Variants in CNTN4 observed in about 807,000 individuals in gnomAD.
CNTN4 encodes the protein contactin-4.
Under a neutral mutation model 122.5 loss-of-function variants are expected in CNTN4, and 77 were observed. The ratio of observed to expected loss-of-function variants is 0.63; its 90% CI spans 0.52 to 0.76. The LOEUF (loss-of-function observed/expected upper bound fraction) is 0.76, where lower values mean the gene tolerates loss of function less well. CNTN4 is among the 30% of genes least tolerant of loss of function. CNTN4 has a pLI of 0.00. For missense variants in CNTN4, 1,256 were observed against 1,259.1 expected, an observed-to-expected ratio of 1.00 and a Z score of 0.04; for synonymous variants, 512 against 447.0, an observed-to-expected ratio of 1.15 and a Z score of -1.83.
At chr3:2,120,374 A>AATATATATATATATATAT (rs1185851358) in intron 2 of CNTN4, among the ~76,000 whole-genome samples, 4 of 59,096 alleles carry the variant, frequency 6.8e-5, no homozygotes, top group African/African-American at 1.4e-4. Context: ...TATATATATA[A>AATATATATATATATATAT]ATATATATAT....
At chr3:2,142,132 C>T (rs1265104614) in intron 2 of CNTN4, among the ~76,000 whole-genome samples, 3 of 152,106 alleles carry the variant, frequency 2.0e-5, no homozygotes, top group Non-Finnish European at 2.9e-5. Context: ...GGGGCTATTT[C>T]GATTGGTCAT....
Position 2,751,964 on chromosome 3 carries a change from T to C in CNTN4, c.358+6267T>C, listed in dbSNP as rs182701870. Among the ~76,000 whole-genome samples, 4 of 152,248 alleles carry C rather than the reference T, an allele frequency of 2.6e-5. No homozygotes were observed. In the East Asian group the frequency reaches 7.7e-4, roughly 29 times the overall value. On this transcript the variant is annotated intron_variant, in intron 6 of 24. Transcript: ENST00000418658. ...TCTATGTGTCCTGTGTCTCTAGAACTCCAGCTTCTCAATACCACTACACTT... is the reference window on the plus strand; with the variant it reads ...TCTATGTGTCCTGTGTCTCTAGAACCCCAGCTTCTCAATACCACTACACTT...
chr3:2,499,505 C>T (rs2076539788), intron 3 of CNTN4, among the ~76,000 whole-genome samples: 1 of 152,022 alleles, frequency 6.6e-6, no homozygotes. Flanking sequence ...GTGTGAATTA[C>T]ATACCAATAA....
intron 3 of CNTN4, among the ~76,000 whole-genome samples, chr3:2,523,356 T>TAA (rs67485307): frequency 0.017 from 2,078 of 119,740 alleles, 35 homozygotes; most frequent in Middle Eastern, 0.026. Context: ...CAAGAGACCT[T>TAA]AAAAAAAAAA....
chr3:2,191,694 GTATA>G (rs5846168), intron 2 of CNTN4, among the ~76,000 whole-genome samples: 2,394 of 42,276 alleles, frequency 0.057, 31 homozygotes, highest in Middle Eastern at 0.2. Flanking sequence ...AAAATTCTAT[GTATA>G]TATATATATA....
chr3:2,725,343 T>C (rs1029089847), intron 4 of CNTN4, among the ~76,000 whole-genome samples: 7 of 152,158 alleles, frequency 4.6e-5, no homozygotes, highest in African/African-American at 1.7e-4. Context: ...CCCAAATCTA[T>C]GTAATCAGAA....
chr3:2,640,716 T>C (rs1369229608), intron 4 of CNTN4, among the ~76,000 whole-genome samples: 1 of 152,102 alleles, frequency 6.6e-6, no homozygotes, highest in African/African-American at 2.4e-5. Context: ...ATGAGGAAGG[T>C]CTATGATCAG....
chr3:2,767,639 C>T (rs936897362), intron 6 of CNTN4, among the ~76,000 whole-genome samples: 3 of 152,070 alleles, frequency 2.0e-5, no homozygotes, highest in African/African-American at 7.2e-5. Flanking sequence ...AATGCACAGC[C>T]GATTAGAAAA....
Position 2,421,727 on chromosome 3 carries a change from C to G in CNTN4, c.-89+82494C>G, listed in dbSNP as rs541636957. Among the ~76,000 whole-genome samples, 52 of 152,292 alleles carry G rather than the reference C, an allele frequency of 3.4e-4. No homozygotes were observed. In the Middle Eastern group the frequency reaches 0.027, roughly 80 times the overall value. The stretch of plus-strand genomic sequence containing the variant: ...ATTGAAAATAGGGCAAACACCAAGA[C>G]CATTTGTAATACAATTGCTGACTAT... On this transcript the variant is annotated intron_variant, in intron 3 of 24. Coordinates refer to ENST00000418658, the MANE Select transcript of CNTN4 (RefSeq NM_175607.3).
At chr3:2,836,706 T>C (rs1412070903) in intron 7 of CNTN4, among the ~76,000 whole-genome samples, 1 of 149,808 alleles carries the variant, frequency 6.7e-6, no homozygotes, top group African/African-American at 2.5e-5. Flanking sequence ...ATATTACAGA[T>C]TAAAAATACA....
At chr3:3,041,370 T>A (rs1035788900) in intron 20 of CNTN4, among the ~76,000 whole-genome samples, 2 of 152,226 alleles carry the variant, frequency 1.3e-5, no homozygotes, top group African/African-American at 4.8e-5. Flanking sequence ...TTCATAGCCT[T>A]CAACTTCTCT....
At position 2,111,919 on chromosome 3, in the gene CNTN4, A is replaced by G. The variant is rs530309417; in HGVS notation, c.-145+11280A>G. ...GGATGTTATGATTTACAAACTTGAA[A>G]TTTCATTATTTTAAAATACTCTGTA... On this transcript the variant is annotated intron_variant, in intron 2 of 24. Coordinates refer to ENST00000418658, the MANE Select transcript of CNTN4 (RefSeq NM_175607.3). Among the ~76,000 whole-genome samples the G allele has an allele frequency of 1.2e-4, 18 of 152,168 alleles. No individual in the cohort carries two copies. The East Asian group carries it at 3.3e-3, about 28-fold the overall frequency.
chr3:2,649,066 A>C (rs2083253815), intron 4 of CNTN4, among the ~76,000 whole-genome samples: 1 of 152,184 alleles, frequency 6.6e-6, no homozygotes, highest in East Asian at 1.9e-4. Context: ...GAAGCTGCAG[A>C]AAAGAAGGTG....
At chr3:2,747,609 C>G (rs890661179) in intron 6 of CNTN4, among the ~76,000 whole-genome samples, 1 of 151,824 alleles carries the variant, frequency 6.6e-6, no homozygotes, top group Non-Finnish European at 1.5e-5. Context: ...TTAACCAAAA[C>G]AAAAAACAAA....
At chr3:2,673,358 T>G (rs2084648617) in intron 4 of CNTN4, among the ~76,000 whole-genome samples, 1 of 152,112 alleles carries the variant, frequency 6.6e-6, no homozygotes, top group South Asian at 2.1e-4. Flanking sequence ...CAGAGACTGA[T>G]TGCAAAATAT....
At chr3:2,176,341 A>C (rs1055586671) in intron 2 of CNTN4, among the ~76,000 whole-genome samples, 1 of 152,176 alleles carries the variant, frequency 6.6e-6, no homozygotes, top group African/African-American at 2.4e-5. Context: ...TTTGCTAAAT[A>C]GAATATATAT....
chr3:2,631,498 C>T (rs1327232336), intron 4 of CNTN4, among the ~76,000 whole-genome samples: 4 of 152,216 alleles, frequency 2.6e-5, no homozygotes, highest in Admixed American at 6.5e-5. Flanking sequence ...TCCCCAGTAC[C>T]ATTCAGAGCA....
At chr3:2,105,341 C>G (rs530789879) in intron 2 of CNTN4, among the ~76,000 whole-genome samples, 1 of 152,080 alleles carries the variant, frequency 6.6e-6, no homozygotes, top group Admixed American at 6.5e-5. Context: ...TCTGGCTATG[C>G]CTAAAGTGAG....
intron 2 of CNTN4, among the ~76,000 whole-genome samples, chr3:2,122,096 A>C (rs1036353524): frequency 3.3e-5 from 5 of 151,524 alleles, no homozygotes; most frequent in African/African-American, 1.2e-4. Flanking sequence ...CGGAGCTTGC[A>C]GTGAGCTGAG....
Sources: allele counts gnomAD v4.1 joint callset (sites outside exome capture counted in the v4.1 genomes callset), GRCh38; gene constraint gnomAD v4.1.1; transcripts MANE v1.5; gene names NCBI Gene and HGNC (gene_info 2026-07-23, HGNC 2026-07-21).